NYAP2: variants seen among roughly 807,000 people sequenced by gnomAD.
NYAP2 encodes the protein neuronal tyrosine-phosphorylated phosphoinositide-3-kinase adapter 2.
Under a neutral mutation model 50.4 loss-of-function variants are expected in NYAP2, and 23 were observed. The ratio of observed to expected loss-of-function variants is 0.46; its 90% CI spans 0.33 to 0.65. The LOEUF (loss-of-function observed/expected upper bound fraction) is 0.65, where lower values mean the gene tolerates loss of function less well. Among genes scored for constraint, NYAP2 ranks in the 30% least tolerant of loss-of-function variants. The pLI is 0.02. For missense variants in NYAP2, 885 were observed against 861.0 expected (o/e 1.03, Z -0.35); for synonymous variants, 394 against 365.2 (o/e 1.08, Z -0.90).
chr2:225,666,182 T>C, the NYAP2 span, among the ~76,000 whole-genome samples: 1 of 152,140 alleles, frequency 6.6e-6, no homozygotes, highest in Non-Finnish European at 1.5e-5. Flanking sequence ...TAATGCCAAA[T>C]TGTTCACCCC....
chr2:225,420,932 G>T (rs1417550201), intron 3 of NYAP2, among the ~76,000 whole-genome samples: 1 of 151,268 alleles, frequency 6.6e-6, no homozygotes, highest in African/African-American at 2.4e-5. Context: ...TTACTTTTTT[G>T]AATTTTTTGA....
At chr2:225,684,062 G>A in the NYAP2 span, among the ~76,000 whole-genome samples, 4 of 152,088 alleles carry the variant, frequency 2.6e-5, no homozygotes, top group Non-Finnish European at 4.4e-5. Flanking sequence ...GAGGAAAAGG[G>A]TCAGGCTTTA....
At chr2:225,630,597 T>A (rs894050373) in intron 6 of NYAP2, among the ~76,000 whole-genome samples, 1 of 152,208 alleles carries the variant, frequency 6.6e-6, no homozygotes, top group African/African-American at 2.4e-5. Context: ...GCCTTCCATC[T>A]GGAAATGAAA....
At chr2:225,446,246 C>CTCTA (rs1239402824) in intron 3 of NYAP2, among the ~76,000 whole-genome samples, 1 of 82,268 alleles carries the variant, frequency 1.2e-5, no homozygotes, top group African/African-American at 5.9e-5. Context: ...CTCTCTCTCT[C>CTCTA]TATATATATA....
chr2:225,472,151 A>G (rs1053219497), intron 3 of NYAP2, among the ~76,000 whole-genome samples: 6 of 152,190 alleles, frequency 3.9e-5, no homozygotes, highest in Non-Finnish European at 8.8e-5. Context: ...GAACCCACCC[A>G]ACCAGTCCAA....
the NYAP2 span, among the ~76,000 whole-genome samples, chr2:225,687,960 AC>A: frequency 6.6e-6 from 1 of 152,138 alleles, no homozygotes; most frequent in Non-Finnish European, 1.5e-5. Context: ...GCCTAATAAA[AC>A]TATAACTGCT....
the NYAP2 span, among the ~76,000 whole-genome samples, chr2:225,683,214 T>C: frequency 6.6e-6 from 1 of 152,168 alleles, no homozygotes; most frequent in Non-Finnish European, 1.5e-5. Context: ...CACTTTACTA[T>C]TCTATTTCTG....
At chr2:225,643,042 G>A (rs1391809723) in intron 6 of NYAP2, among the ~76,000 whole-genome samples, 1 of 151,982 alleles carries the variant, frequency 6.6e-6, no homozygotes, top group Non-Finnish European at 1.5e-5. Flanking sequence ...TAAAATAAAT[G>A]ACCTTAATAA....
At chr2:225,622,557 CTTTTTCTTTCT>C (rs1693132546) in intron 5 of NYAP2, among the ~76,000 whole-genome samples, 3 of 48,664 alleles carry the variant, frequency 6.2e-5, no homozygotes, top group South Asian at 7.2e-4. Context: ...TTCTTTCTTT[CTTTTTCTTTCT>C]TTCTTTCTTT....
At chr2:225,554,267 C>A in intron 4 of NYAP2, among the ~76,000 whole-genome samples, 1 of 145,890 alleles carries the variant, frequency 6.9e-6, no homozygotes, top group Admixed American at 6.8e-5. Context: ...ATTTGTATTA[C>A]AGAAAAATTT....
intron 3 of NYAP2, among the ~76,000 whole-genome samples, chr2:225,452,775 G>C (rs115162134): frequency 6.6e-6 from 1 of 152,000 alleles, no homozygotes; most frequent in Non-Finnish European, 1.5e-5. Context: ...TCATGCACGC[G>C]TACACCCCAC....
chr2:225,600,888 T>C (rs1269686521), intron 5 of NYAP2, among the ~76,000 whole-genome samples: 1 of 152,198 alleles, frequency 6.6e-6, no homozygotes, highest in Non-Finnish European at 1.5e-5. Context: ...CAGGATTTCA[T>C]TACTTTTTTA....
chr2:225,446,246 C>CTCTCTCTATATA (rs1239402824), intron 3 of NYAP2, among the ~76,000 whole-genome samples: 7 of 82,272 alleles, frequency 8.5e-5, no homozygotes, highest in East Asian at 3.7e-4. Context: ...CTCTCTCTCT[C>CTCTCTCTATATA]TATATATATA....
intron 4 of NYAP2, among the ~76,000 whole-genome samples, chr2:225,566,892 C>T (rs1330351736): frequency 1.3e-5 from 2 of 151,978 alleles, no homozygotes; most frequent in Admixed American, 6.6e-5. Context: ...ATAGATCTCT[C>T]GGTTTGAGGA....
the NYAP2 span, among the ~76,000 whole-genome samples, chr2:225,664,187 G>C: frequency 3.3e-5 from 5 of 152,254 alleles, no homozygotes; most frequent in Non-Finnish European, 4.4e-5. Context: ...ATGTGCACCG[G>C]AAATTGCAAA....
chr2:225,675,982 CACTGGGATTTTTT>C, the NYAP2 span, among the ~76,000 whole-genome samples: 18 of 151,942 alleles, frequency 1.2e-4, no homozygotes, highest in Non-Finnish European at 2.7e-4. Context: ...GCTTATTTTT[CACTGGGATTTTTT>C]GCTTTTGTTT....
chr2:225,522,516 T>G (rs1280763920), intron 4 of NYAP2, among the ~76,000 whole-genome samples: 2 of 152,174 alleles, frequency 1.3e-5, no homozygotes, highest in Non-Finnish European at 2.9e-5. Flanking sequence ...AAGTTTGTTA[T>G]AAGTCACTGC....
In NYAP2 at chr2:225,649,789, A is replaced by C. The variant is rs552043191; in HGVS notation, c.1829-1643A>C. Among the ~76,000 whole-genome samples, 3 of 152,382 alleles carry C rather than the reference A, an allele frequency of 2.0e-5. No homozygotes were observed. In the South Asian group the frequency reaches 6.2e-4, roughly 32 times the overall value. ...CTGGCACATAGTAGGCATAAAATAC[A>C]TAGATGCCGAATGTTGAATAAGTGA... On this transcript the variant is annotated intron_variant, in intron 6 of 6. Transcript: ENST00000636099.
intron 3 of NYAP2, among the ~76,000 whole-genome samples, chr2:225,499,549 C>T (rs1380732365): frequency 1.3e-5 from 2 of 152,088 alleles, no homozygotes; most frequent in African/African-American, 4.8e-5. Flanking sequence ...ATCTCCTGAC[C>T]CGGTGACCCG....
Sources: gnomAD v4.1 joint callset for allele counts (sites outside exome capture counted in the v4.1 genomes callset) on GRCh38, gnomAD v4.1.1 for gene constraint, MANE v1.5 for transcripts, NCBI Gene and HGNC (gene_info 2026-07-23, HGNC 2026-07-21) for gene names.